PGBD5: variants seen among roughly 807,000 people sequenced by gnomAD.
The protein encoded by PGBD5 is piggyBac transposable element derived 5.
PGBD5 carries 14 observed loss-of-function variants against 47.9 expected under a neutral mutation model. The ratio of observed to expected loss-of-function variants is 0.29; its 90% CI spans 0.19 to 0.46. The LOEUF (loss-of-function observed/expected upper bound fraction) is 0.46, where lower values mean the gene tolerates loss of function less well. Among genes scored for constraint, PGBD5 ranks in the 20% least tolerant of loss-of-function variants. PGBD5 has a pLI of 1.00. For missense variants in PGBD5, 635 were observed against 716.0 expected, an observed-to-expected ratio of 0.89 and a Z score of 1.29; for synonymous variants, 316 against 306.3, an observed-to-expected ratio of 1.03 and a Z score of -0.33.
intron 3 of PGBD5, among the ~76,000 whole-genome samples, chr1:230,348,961 T>C (rs556698204): frequency 6.6e-6 from 1 of 152,382 alleles, no homozygotes; most frequent in Non-Finnish European, 1.5e-5. Flanking sequence ...GCTTCAATTC[T>C]GGCTTCTAAA....
intron 3 of PGBD5, among the ~76,000 whole-genome samples, chr1:230,341,673 A>G (rs1667409253): frequency 6.6e-6 from 1 of 152,194 alleles, no homozygotes; most frequent in African/African-American, 2.4e-5. Flanking sequence ...AAAGTCAGAT[A>G]TCTCCCTAGA....
intron 3 of PGBD5, among the ~76,000 whole-genome samples, chr1:230,347,194 C>T (rs1057277291): frequency 6.6e-6 from 1 of 152,150 alleles, no homozygotes; most frequent in Non-Finnish European, 1.5e-5. Context: ...CCAGAGGAAG[C>T]CCCCTGTAGT....
chr1:230,401,496 G>A (rs138685941), intron 1 of PGBD5, among the ~76,000 whole-genome samples: 115 of 152,288 alleles, frequency 7.6e-4, no homozygotes, highest in Admixed American at 1.4e-3. Flanking sequence ...GGAAAGATCC[G>A]AGAAACGACC....
intron 3 of PGBD5, among the ~76,000 whole-genome samples, chr1:230,337,944 T>A (rs1265216266): frequency 6.6e-6 from 1 of 152,136 alleles, no homozygotes; most frequent in Non-Finnish European, 1.5e-5. Flanking sequence ...GAAGAGCATG[T>A]TCAAAAAAAT....
At chr1:230,350,934 C>T (rs777495748) in intron 3 of PGBD5, 24 bp downstream of exon 3, 1 of 1,611,348 alleles carries the variant, frequency 6.2e-7, no homozygotes, top group African/African-American at 1.3e-5. Flanking sequence ...CACCGACCCT[C>T]CCCGGGCTCA....
chr1:230,422,704 G>C (rs1657677039), intron 1 of PGBD5, among the ~76,000 whole-genome samples: 1 of 152,208 alleles, frequency 6.6e-6, no homozygotes, highest in African/African-American at 2.4e-5. Flanking sequence ...CGCACTTCCG[G>C]AGGAGCTGAT....
intron 1 of PGBD5, among the ~76,000 whole-genome samples, chr1:230,399,977 C>T (rs890265572): frequency 3.3e-5 from 5 of 152,242 alleles, no homozygotes; most frequent in African/African-American, 1.2e-4. Flanking sequence ...CTGGCACTCA[C>T]AGCATCTCTT....
rs550828367 is a variant in PGBD5 at position 230,355,366 on chromosome 1, C to A, written c.759+1528G>T. Among the ~76,000 whole-genome samples the A allele has an allele frequency of 2.2e-3, 334 of 152,346 alleles. 2 individuals are homozygous for A. The highest frequency in any genetic ancestry group is 7.5e-3 in the African/African-American group (313 of 41,576). Reference sequence around the variant, plus strand: ...AGGCACTCACCCTGGACTTACACTGCAGATACCTCTTGAGAGATACTTAGG... The same window carrying A: ...AGGCACTCACCCTGGACTTACACTGAAGATACCTCTTGAGAGATACTTAGG... On this transcript the variant is annotated intron_variant, in intron 2 of 6. Coordinates refer to ENST00000391860, the MANE Select transcript of PGBD5 (RefSeq NM_001258311.2).
chr1:230,381,138 T>C (rs148686554), intron 1 of PGBD5, among the ~76,000 whole-genome samples: 6 of 152,342 alleles, frequency 3.9e-5, no homozygotes, highest in Non-Finnish European at 8.8e-5. Flanking sequence ...ATGTTATAGA[T>C]AAGGAAACTG....
chr1:230,343,320 A>G (rs1164937504), intron 3 of PGBD5, among the ~76,000 whole-genome samples: 1 of 152,076 alleles, frequency 6.6e-6, no homozygotes, highest in African/African-American at 2.4e-5. Context: ...CTCTGTACAC[A>G]CTCATGTCTG....
intron 1 of PGBD5, among the ~76,000 whole-genome samples, chr1:230,394,486 C>T (rs1259695943): frequency 2.6e-5 from 3 of 114,374 alleles, no homozygotes; most frequent in Admixed American, 1.0e-4. Flanking sequence ...TCCTCCAATC[C>T]TCCCGCTGTG....
chr1:230,403,702 G>A (rs1478154951), intron 1 of PGBD5, among the ~76,000 whole-genome samples: 4 of 152,304 alleles, frequency 2.6e-5, no homozygotes, highest in African/African-American at 7.2e-5. Flanking sequence ...TGCGGGGTCC[G>A]CTCTGGACAC....
chr1:230,343,054 A>C (rs1667430543), intron 3 of PGBD5, among the ~76,000 whole-genome samples: 1 of 152,142 alleles, frequency 6.6e-6, no homozygotes, highest in South Asian at 2.1e-4. Context: ...GCTTCTAGCA[A>C]AGTCTCTAAG....
rs556348986 is a variant in PGBD5, at chr1:230,315,942, G to A, written c.*7483C>T. On this transcript the variant is annotated 3_prime_UTR_variant, in exon 7 of 7. Coordinates refer to ENST00000391860, the MANE Select transcript of PGBD5 (RefSeq NM_001258311.2). ...TGTATATGTGTACACATATATGTAT[G>A]TGTATACATACATAAGTATATGTGT... 37 of 117,992 alleles carry A rather than the reference G, an allele frequency of 3.1e-4. No homozygotes were observed. The highest frequency in any genetic ancestry group is 9.8e-4 in the African/African-American group (31 of 31,736). 7.3% of individuals were successfully genotyped at this position (117,992 alleles called of 1,614,324 possible). A position where few individuals can be genotyped will look rare whatever the true frequency, so the allele number is the denominator to read the frequency against.
chr1:230,377,545 A>G, intron 1 of PGBD5: 13 of 1,611,580 alleles, frequency 8.1e-6, no homozygotes, highest in Non-Finnish European at 1.1e-5. Context: ...CACTATGCTG[A>G]GCAACTGCAG....
In PGBD5 at chr1:230,356,136, C is replaced by A. The variant is rs148638897; in HGVS notation, c.759+758G>T. Among the ~76,000 whole-genome samples the A allele has an allele frequency of 2.0e-3, 297 of 152,266 alleles. 2 individuals are homozygous for A. Among genetic ancestry groups the A allele is most frequent in the African/African-American group, 6.9e-3 (287 of 41,558 alleles). On this transcript the variant is annotated intron_variant, in intron 2 of 6. Coordinates refer to ENST00000391860, the MANE Select transcript of PGBD5 (RefSeq NM_001258311.2). ...AGACCAAGTCAAAGGGAATGGGGCTCACATGGACCAAGAACTTCCTGGTTT... is the reference window on the plus strand; with the variant it reads ...AGACCAAGTCAAAGGGAATGGGGCTAACATGGACCAAGAACTTCCTGGTTT...
chr1:230,330,697 TC>T (rs1667200366), intron 5 of PGBD5, among the ~76,000 whole-genome samples: 1 of 152,172 alleles, frequency 6.6e-6, no homozygotes. Flanking sequence ...AGTGTGAACT[TC>T]CCTGGGAGTG....
intron 3 of PGBD5, among the ~76,000 whole-genome samples, chr1:230,346,861 T>C (rs1667480717): frequency 6.6e-6 from 1 of 152,126 alleles, no homozygotes; most frequent in Non-Finnish European, 1.5e-5. Context: ...GGAGAGGCAG[T>C]GAGGGCTCCC....
intron 5 of PGBD5, among the ~76,000 whole-genome samples, chr1:230,327,740 G>T (rs994909453): frequency 1.3e-5 from 2 of 152,326 alleles, no homozygotes; most frequent in African/African-American, 4.8e-5. Context: ...GAGGGCGTGC[G>T]GGCCTGCAGT....
Sources: gnomAD v4.1 joint callset for allele counts (sites outside exome capture counted in the v4.1 genomes callset) on GRCh38, gnomAD v4.1.1 for gene constraint, MANE v1.5 for transcripts, NCBI Gene and HGNC (gene_info 2026-07-23, HGNC 2026-07-21) for gene names.